The following PI4KA variants were observed in gnomAD, a reference collection of about 807,000 sequenced individuals.
The protein encoded by PI4KA is PI4-kinase alpha.
In PI4KA, 122 loss-of-function variants were observed where a neutral mutation model predicts 271.4. The observed-to-expected ratio is 0.45, with a 90% confidence interval of 0.39 to 0.52. The LOEUF is 0.52. Among genes scored for constraint, PI4KA ranks in the 20% least tolerant of loss-of-function variants. PI4KA has a pLI of 0.00. For missense variants in PI4KA, 1,969 were observed against 2,769.1 expected (o/e 0.71, Z 6.48); for synonymous variants, 1,041 against 1,078.8 (o/e 0.96, Z 0.69).
At chr22:20,719,883 A>G (rs1386028602) in intron 43 of PI4KA, among the ~76,000 whole-genome samples, 2 of 152,024 alleles carry the variant, frequency 1.3e-5, no homozygotes, top group South Asian at 2.1e-4. Flanking sequence ...AAAAATTAGC[A>G]GGCGTGGTGG....
At chr22:20,808,482 A>G (rs1935799640) in intron 9 of PI4KA, among the ~76,000 whole-genome samples, 1 of 116,188 alleles carries the variant, frequency 8.6e-6, no homozygotes, top group East Asian at 2.8e-4. Flanking sequence ...AATCCCAGCT[A>G]CTAAGGAGGC....
At chr22:20,855,150 CAAAA>C (rs361996) in intron 1 of PI4KA, among the ~76,000 whole-genome samples, 5 of 121,492 alleles carry the variant, frequency 4.1e-5, no homozygotes, top group Non-Finnish European at 3.6e-5. Context: ...GAAACTGTCT[CAAAA>C]AAAAAAAAAA....
chr22:20,823,047 A>G (rs165871), intron 4 of PI4KA, among the ~76,000 whole-genome samples: 73,989 of 151,758 alleles, frequency 0.49, 18,538 homozygotes, highest in African/African-American at 0.59. Context: ...CCGAGTAGCT[A>G]GGATTACAGG....
intron 29 of PI4KA, among the ~76,000 whole-genome samples, chr22:20,747,197 A>C (rs1930209527): frequency 6.6e-6 from 1 of 152,190 alleles, no homozygotes; most frequent in Non-Finnish European, 1.5e-5. Flanking sequence ...CACCTGCAGA[A>C]AACAGAACTG....
At chr22:20,717,642 C>T (rs1047988150) in intron 45 of PI4KA, 66 bp downstream of exon 45, 1 of 1,239,146 alleles carries the variant, frequency 8.1e-7, no homozygotes, top group African/African-American at 1.5e-5. Flanking sequence ...AGGGCAGCAG[C>T]CTTCACGCCC....
intron 8 of PI4KA, among the ~76,000 whole-genome samples, chr22:20,812,017 A>C (rs1449728183): frequency 4.0e-5 from 6 of 150,686 alleles, no homozygotes; most frequent in Non-Finnish European, 5.9e-5. Context: ...CATCTCAAAA[A>C]AAAAAAAAAA....
At chr22:20,763,075 G>A (rs910852934) in intron 22 of PI4KA, among the ~76,000 whole-genome samples, 2 of 144,110 alleles carry the variant, frequency 1.4e-5, no homozygotes, top group African/African-American at 2.6e-5. Flanking sequence ...CAAAACTTCC[G>A]GGCTCAAGTG....
At chr22:20,723,589 G>A (rs1272720886) in intron 42 of PI4KA, among the ~76,000 whole-genome samples, 4 of 151,604 alleles carry the variant, frequency 2.6e-5, no homozygotes, top group African/African-American at 4.8e-5. Context: ...CCAGCACTTT[G>A]GGAGGCCAAG....
At chr22:20,835,357 G>T (rs889325755) in intron 2 of PI4KA, among the ~76,000 whole-genome samples, 9 of 152,182 alleles carry the variant, frequency 5.9e-5, no homozygotes, top group African/African-American at 1.4e-4. Context: ...CTCCAGAGAA[G>T]AAGTGTGCTC....
At chr22:20,779,395 TAG>T in intron 19 of PI4KA, 1 of 1,614,202 alleles carries the variant, frequency 6.2e-7, no homozygotes. Context: ...CTGGATCAGC[TAG>T]AGAAAGGAGG....
intron 23 of PI4KA, among the ~76,000 whole-genome samples, 181 bp downstream of exon 23, chr22:20,761,123 C>T (rs1931922273): frequency 1.3e-5 from 2 of 152,196 alleles, no homozygotes; most frequent in Non-Finnish European, 2.9e-5. Flanking sequence ...GGGGCCCTTG[C>T]ACCAGCAGTA....
intron 19 of PI4KA, among the ~76,000 whole-genome samples, chr22:20,791,426 A>G (rs1934639606): frequency 6.6e-6 from 1 of 152,164 alleles, no homozygotes; most frequent in East Asian, 1.9e-4. Flanking sequence ...ACTACTCAAC[A>G]TTAGCTACAC....
At chr22:20,741,566 G>A (rs1929464646) in intron 32 of PI4KA, among the ~76,000 whole-genome samples, 1 of 151,602 alleles carries the variant, frequency 6.6e-6, no homozygotes, top group Admixed American at 6.6e-5. Flanking sequence ...GCAAATGTGA[G>A]ATATTATCAT....
At chr22:20,781,279 T>C (rs1202535560) in intron 19 of PI4KA, among the ~76,000 whole-genome samples, 1 of 152,202 alleles carries the variant, frequency 6.6e-6, no homozygotes, top group East Asian at 1.9e-4. Flanking sequence ...ACCTCTACTT[T>C]ACTCTCTAAG....
intron 6 of PI4KA, among the ~76,000 whole-genome samples, chr22:20,818,803 C>A (rs1922185938): frequency 6.6e-6 from 1 of 152,186 alleles, no homozygotes; most frequent in Non-Finnish European, 1.5e-5. Context: ...GTGTTTTTGT[C>A]TTTTCTCCAT....
chr22:20,744,223 A>G lies in PI4KA; in HGVS notation c.3456+405T>C, dbSNP rs183245458. ...GTGGAGTTGGAAGATGTGGTTCCAG[A>G]CCCCACTCCACTTGTGCGACTTTGG... On this transcript the variant is annotated intron_variant, in intron 30 of 54. Transcript: ENST00000255882. 1.4e-4 allele frequency among the ~76,000 whole-genome samples: 21 copies of G among 152,088 alleles called. No homozygotes were observed. In the East Asian group the frequency reaches 4.0e-3, roughly 29 times the overall value.
chr22:20,780,301 T>C, intron 19 of PI4KA: 2 of 1,566,094 alleles, frequency 1.3e-6, no homozygotes, highest in Non-Finnish European at 1.8e-6. Flanking sequence ...CTATAATTTA[T>C]CCAGGAAAAC....
In PI4KA at chr22:20,721,397, T is replaced by C; in HGVS notation, c.5017A>G (p.Ile1673Val). 2 of 1,613,924 alleles carry C rather than the reference T, an allele frequency of 1.2e-6. No homozygotes were observed. Among genetic ancestry groups the C allele is most frequent in the Non-Finnish European group, 1.7e-6 (2 of 1,179,986 alleles). Residue 1673 changes from isoleucine to valine, a missense_variant, in exon 43 of 55, where the codon ATT (isoleucine) becomes GTT (valine). Ile to Val is a conservative substitution (Grantham distance 29). Coordinates refer to ENST00000255882, the MANE Select transcript of PI4KA (RefSeq NM_058004.4). ...TGGGATTTAGACGCTGCCCACAGAA[T>C]ATACTCCCGCACATAGCCCATCTGC... ...YDKMGYVREY[I>V]LWAASKSQLL...
At chr22:20,737,793 G>A (rs1293151453) in intron 32 of PI4KA, among the ~76,000 whole-genome samples, 2 of 152,088 alleles carry the variant, frequency 1.3e-5, no homozygotes, top group African/African-American at 2.4e-5. Context: ...CACCACACCT[G>A]GCTAATTTTG....
Sources: gnomAD v4.1 joint callset for allele counts (sites outside exome capture counted in the v4.1 genomes callset) on GRCh38, gnomAD v4.1.1 for gene constraint, MANE v1.5 for transcripts, NCBI Gene and HGNC (gene_info 2026-07-23, HGNC 2026-07-21) for gene names.